Variants in MGA observed in about 807,000 individuals in gnomAD.
The protein encoded by MGA is MAX gene-associated protein.
Under a neutral mutation model 261.1 loss-of-function variants are expected in MGA, and 40 were observed. The ratio of observed to expected loss-of-function variants is 0.15; its 90% CI spans 0.12 to 0.20. The LOEUF is 0.20. Ranked by LOEUF, MGA falls within the 10% of genes least tolerant of loss-of-function variation. MGA has a pLI of 1.00. For missense variants in MGA, 3,397 were observed against 3,630.5 expected, an observed-to-expected ratio of 0.94 and a Z score of 1.65; for synonymous variants, 1,302 against 1,290.6, an observed-to-expected ratio of 1.01 and a Z score of -0.19.
At chr15:41,653,132 C>T (rs1055545769) in intron 1 of MGA, among the ~76,000 whole-genome samples, 5 of 151,914 alleles carry the variant, frequency 3.3e-5, no homozygotes, top group Admixed American at 6.6e-5. Flanking sequence ...TTTGGGAGGC[C>T]GAGGCAGGTG....
intron 2 of MGA, among the ~76,000 whole-genome samples, chr15:41,679,712 GTGTGT>G (rs1223033817): frequency 6.6e-6 from 1 of 152,010 alleles, no homozygotes; most frequent in Non-Finnish European, 1.5e-5. Context: ...GCTTGTGTGT[GTGTGT>G]TGTGTTGTGG....
chr15:41,658,084 A>G (rs1163891434), upstream of MGA, among the ~76,000 whole-genome samples: 1 of 152,254 alleles, frequency 6.6e-6, no homozygotes, highest in Non-Finnish European at 1.5e-5. Flanking sequence ...TTTATAGAAC[A>G]ATCTAGGATC....
At chr15:41,707,913 A>G (rs2060199909) in intron 6 of MGA, 54 bp downstream of exon 6, 2 of 1,573,776 alleles carry the variant, frequency 1.3e-6, no homozygotes, top group Non-Finnish European at 1.7e-6. Context: ...AGTTTACGTT[A>G]TTTGTAACGT....
At chr15:41,678,921 T>C (rs901448351) in intron 2 of MGA, among the ~76,000 whole-genome samples, 1 of 152,246 alleles carries the variant, frequency 6.6e-6, no homozygotes, top group Non-Finnish European at 1.5e-5. Flanking sequence ...TTTATGCCAG[T>C]GTCACATTAT....
chr15:41,626,622 C>T (rs1415223003), intron 1 of MGA, among the ~76,000 whole-genome samples: 1 of 152,026 alleles, frequency 6.6e-6, no homozygotes, highest in African/African-American at 2.4e-5. Flanking sequence ...GGACTTTCTC[C>T]ACATTGGTCA....
At position 41,742,577 on chromosome 15, in the gene MGA, A is replaced by G. The variant is rs2062179968; in HGVS notation, c.4617A>G (p.Thr1539=). ...GACCCTCTCCTGGTGGTGTGTTCACACAGTTTGTGATGAGTAAAGTTGGAG... is the reference window on the plus strand; with the variant it reads ...GACCCTCTCCTGGTGGTGTGTTCACGCAGTTTGTGATGAGTAAAGTTGGAG... Residue 1539 remains threonine (T), a synonymous_variant, in exon 15 of 24, where the codon ACA becomes ACG. Transcript: ENST00000219905. 3 of 1,613,758 alleles carry G rather than the reference A, an allele frequency of 1.9e-6. No homozygotes were observed. The highest frequency in any genetic ancestry group is 2.5e-6 in the Non-Finnish European group (3 of 1,179,870).
chr15:41,685,409 T>A (rs539916822), intron 2 of MGA, among the ~76,000 whole-genome samples: 1 of 152,340 alleles, frequency 6.6e-6, no homozygotes, highest in Admixed American at 6.5e-5. Context: ...GGTAAGCCTT[T>A]GAACCCCCCA....
chr15:41,727,713 A>C (rs577117118), intron 10 of MGA, among the ~76,000 whole-genome samples: 2 of 152,312 alleles, frequency 1.3e-5, no homozygotes, highest in Admixed American at 6.5e-5. Flanking sequence ...GAATATTAGT[A>C]ATCAATATAA....
chr15:41,727,796 CATA>C (rs2061327143), intron 10 of MGA, among the ~76,000 whole-genome samples: 2 of 151,948 alleles, frequency 1.3e-5, no homozygotes, highest in Non-Finnish European at 2.9e-5. Flanking sequence ...TTTAAAAATG[CATA>C]ATAATATCAG....
rs538702628 is a variant in MGA, at chr15:41,644,965, A to C, written c.-68+23667A>C. On this transcript the variant is annotated intron_variant, in intron 1 of 8. Coordinates refer to the MGA transcript ENST00000566718. The stretch of plus-strand genomic sequence containing the variant: ...ATGTAGGTACATATATTAAAAGAAA[A>C]AACAAATTTCCACAAATTTTGTATT... Among the ~76,000 whole-genome samples the C allele has an allele frequency of 3.9e-5, 6 of 152,328 alleles. No individual in the cohort carries two copies. In the South Asian group the frequency reaches 1.0e-3, roughly 26 times the overall value.
At chr15:41,676,340 A>T (rs2058376109) in intron 2 of MGA, among the ~76,000 whole-genome samples, 1 of 152,016 alleles carries the variant, frequency 6.6e-6, no homozygotes, top group African/African-American at 2.4e-5. Flanking sequence ...CCGCCACCAA[A>T]CCTGGCTAAT....
intron 1 of MGA, among the ~76,000 whole-genome samples, chr15:41,651,690 CTCTTA>C (rs2057055116): frequency 2.4e-4 from 3 of 12,264 alleles, no homozygotes; most frequent in Non-Finnish European, 4.9e-4. Context: ...CCTTTCCCCT[CTCTTA>C]CCCCTTCCCC....
At chr15:41,638,717 G>A (rs1334276660) in intron 1 of MGA, among the ~76,000 whole-genome samples, 1 of 143,308 alleles carries the variant, frequency 7.0e-6, no homozygotes, top group Non-Finnish European at 1.5e-5. Context: ...TTGAGACAGG[G>A]TCTTTCTCTC....
intron 2 of MGA, among the ~76,000 whole-genome samples, chr15:41,689,980 GT>G (rs1233448159): frequency 6.6e-6 from 1 of 152,122 alleles, no homozygotes; most frequent in Non-Finnish European, 1.5e-5. Context: ...GAGTTCAATG[GT>G]TTTTAATATA....
intron 9 of MGA, chr15:41,718,465 C>G (rs889783015): frequency 2.4e-6 from 2 of 824,708 alleles, no homozygotes. Flanking sequence ...ATTTTTCGTA[C>G]AATTTGTGAG....
Position 41,739,322 on chromosome 15 carries a change from T to A in MGA, c.4435-731T>A, listed in dbSNP as rs574506803. 2.6e-5 allele frequency among the ~76,000 whole-genome samples: 4 copies of A among 152,310 alleles called. No homozygotes were observed. In the East Asian group the frequency reaches 7.7e-4, roughly 29 times the overall value. On this transcript the variant is annotated intron_variant, in intron 13 of 23. Transcript: ENST00000219905. ...ACATTCAGTTTGAACCCATGTTTTATCCAAGAGATGAAAATAGTATTTTCA... is the reference window on the plus strand; with the variant it reads ...ACATTCAGTTTGAACCCATGTTTTAACCAAGAGATGAAAATAGTATTTTCA...
chr15:41,707,625 C>G, intron 5 of MGA, 103 bp from the exon 6 acceptor site: 3 of 1,115,194 alleles, frequency 2.7e-6, no homozygotes, highest in Non-Finnish European at 3.8e-6. Flanking sequence ...TCTCTCTCGA[C>G]CTTACCCCCC....
At chr15:41,744,904 A>G (rs1183793317) in intron 15 of MGA, among the ~76,000 whole-genome samples, 1 of 152,172 alleles carries the variant, frequency 6.6e-6, no homozygotes, top group African/African-American at 2.4e-5. Context: ...ATTGAGACGG[A>G]GTCTCGCTCT....
At chr15:41,640,202 T>C (rs1287433973) in intron 1 of MGA, among the ~76,000 whole-genome samples, 1 of 152,078 alleles carries the variant, frequency 6.6e-6, no homozygotes, top group African/African-American at 2.4e-5. Context: ...AGCGTAATTA[T>C]AAATGCAAAG....
Sources: allele counts gnomAD v4.1 joint callset (sites outside exome capture counted in the v4.1 genomes callset), GRCh38; gene constraint gnomAD v4.1.1; transcripts MANE v1.5; gene names NCBI Gene and HGNC (gene_info 2026-07-23, HGNC 2026-07-21).